MBD5: variants seen among roughly 807,000 people sequenced by gnomAD.
The protein encoded by MBD5 is methyl-CpG-binding domain protein 5.
Under a neutral mutation model 117.3 loss-of-function variants are expected in MBD5, and 13 were observed. That is an observed-to-expected ratio of 0.11 (90% confidence interval 0.07 to 0.18). MBD5 has a LOEUF of 0.18. MBD5 is among the 10% of genes least tolerant of loss of function. MBD5 has a pLI of 1.00. For synonymous variants in MBD5, 727 were observed against 766.4 expected (o/e 0.95, Z 0.85); for missense variants, 1,879 against 2,093.8 (o/e 0.90, Z 2.00).
intron 2 of MBD5, among the ~76,000 whole-genome samples, chr2:148,225,832 G>A (rs1202200260): frequency 2.0e-5 from 3 of 152,152 alleles, no homozygotes; most frequent in Non-Finnish European, 2.9e-5. Flanking sequence ...AGATATATTG[G>A]AACTCCATTG....
chr2:148,397,695 A>C (rs1294842379), intron 4 of MBD5, among the ~76,000 whole-genome samples: 1 of 152,088 alleles, frequency 6.6e-6, no homozygotes, highest in Non-Finnish European at 1.5e-5. Context: ...GTACATGTGC[A>C]CAACGTGCAG....
chr2:148,484,194 C>A, intron 9 of MBD5, 59 bp downstream of exon 9: 1 of 1,349,892 alleles, frequency 7.4e-7, no homozygotes, highest in South Asian at 1.6e-5. Flanking sequence ...ATTCTATTTT[C>A]TCCTTTTTAA....
Position 148,458,129 on chromosome 2 carries a change from T to C in MBD5, c.-556-74T>C, listed in dbSNP as rs548845410. On this transcript the variant is annotated intron_variant, in intron 4 of 13. Coordinates refer to ENST00000642680, the MANE Select transcript of MBD5 (RefSeq NM_001378120.1). ...TGATTGGGTACACTTCGTAGTTTATTCTATTTTAAAACTGTAAAGCTTCTC... is the reference window on the plus strand; with the variant it reads ...TGATTGGGTACACTTCGTAGTTTATCCTATTTTAAAACTGTAAAGCTTCTC... 1.3e-5 allele frequency: 5 copies of C among 395,924 alleles called. No individual in the cohort carries two copies. The South Asian group carries it at 6.8e-4, about 54-fold the overall frequency. The allele number at this position is 395,924 out of a possible 1,614,324, so 24.5% of individuals were successfully genotyped here.
chr2:148,182,047 A>G (rs1003800880), intron 2 of MBD5, among the ~76,000 whole-genome samples: 2 of 151,478 alleles, frequency 1.3e-5, no homozygotes, highest in African/African-American at 2.4e-5. Context: ...CTTCTTTCCT[A>G]TATCTTTTTT....
At chr2:148,237,285 C>CAA (rs199778511) in intron 3 of MBD5, among the ~76,000 whole-genome samples, 2,003 of 152,302 alleles carry the variant, frequency 0.013, 19 homozygotes, top group Non-Finnish European at 0.02. Flanking sequence ...CTGTTGGGCG[C>CAA]AAGATGCCTG....
chr2:148,234,705 A>G (rs1700056288), intron 3 of MBD5, among the ~76,000 whole-genome samples: 1 of 152,156 alleles, frequency 6.6e-6, no homozygotes, highest in Non-Finnish European at 1.5e-5. Flanking sequence ...AGGATCTTCA[A>G]AGAAATAGAT....
At chr2:148,360,820 G>GA (rs1319321774) in intron 4 of MBD5, among the ~76,000 whole-genome samples, 1 of 151,942 alleles carries the variant, frequency 6.6e-6, no homozygotes, top group Non-Finnish European at 1.5e-5. Flanking sequence ...TAAAATTGTT[G>GA]AAAAATATTC....
At chr2:148,251,533 G>C (rs76889901) in intron 3 of MBD5, among the ~76,000 whole-genome samples, 1 of 152,086 alleles carries the variant, frequency 6.6e-6, no homozygotes, top group Non-Finnish European at 1.5e-5. Flanking sequence ...TCAGTAACTT[G>C]TACCTCATAA....
chr2:148,406,223 G>A (rs1705073477), intron 4 of MBD5, among the ~76,000 whole-genome samples: 2 of 152,074 alleles, frequency 1.3e-5, no homozygotes. Context: ...ATAATTTCTG[G>A]CCATGTACTT....
chr2:148,141,444 A>C (rs1477098568), intron 1 of MBD5, among the ~76,000 whole-genome samples: 3 of 152,224 alleles, frequency 2.0e-5, no homozygotes, highest in Non-Finnish European at 4.4e-5. Context: ...CCAACAATTC[A>C]TTCCAACAGT....
At chr2:148,400,240 T>C (rs898003393) in intron 4 of MBD5, among the ~76,000 whole-genome samples, 1 of 152,194 alleles carries the variant, frequency 6.6e-6, no homozygotes, top group Admixed American at 6.5e-5. Flanking sequence ...AATTTTTTTT[T>C]CAGTAATATG....
intron 8 of MBD5, among the ~76,000 whole-genome samples, chr2:148,474,524 T>G (rs1680898690): frequency 6.6e-6 from 1 of 152,122 alleles, no homozygotes; most frequent in Non-Finnish European, 1.5e-5. Flanking sequence ...GTTCTCTTAT[T>G]TTTTCCTAAA....
chr2:148,449,503 C>G (rs1706661995), intron 4 of MBD5, among the ~76,000 whole-genome samples: 1 of 151,892 alleles, frequency 6.6e-6, no homozygotes, highest in African/African-American at 2.4e-5. Flanking sequence ...TGAGGGAAGA[C>G]TTCTCTGAGA....
At chr2:148,066,391 A>T (rs1217222837) in intron 1 of MBD5, among the ~76,000 whole-genome samples, 1 of 152,076 alleles carries the variant, frequency 6.6e-6, no homozygotes, top group African/African-American at 2.4e-5. Context: ...CTCCTGATGA[A>T]GCCTCATTTT....
intron 10 of MBD5, among the ~76,000 whole-genome samples, chr2:148,488,920 A>T (rs904111121): frequency 1.6e-4 from 25 of 151,546 alleles, no homozygotes; most frequent in Non-Finnish European, 2.5e-4. Flanking sequence ...ATGTTTTTTT[A>T]AAATTTTATA....
At chr2:148,347,887 A>G (rs1387352984) in intron 4 of MBD5, among the ~76,000 whole-genome samples, 1 of 151,828 alleles carries the variant, frequency 6.6e-6, no homozygotes, top group Admixed American at 6.6e-5. Flanking sequence ...GCTCTTGCCT[A>G]CCCTACCCCC....
chr2:148,119,754 G>A (rs1337426651), intron 1 of MBD5, among the ~76,000 whole-genome samples: 1 of 152,042 alleles, frequency 6.6e-6, no homozygotes, highest in Admixed American at 6.6e-5. Flanking sequence ...ATTTATTGAA[G>A]GTGATTCTTC....
At chr2:148,102,316 A>G (rs1454307550) in intron 1 of MBD5, among the ~76,000 whole-genome samples, 1 of 152,248 alleles carries the variant, frequency 6.6e-6, no homozygotes, top group East Asian at 1.9e-4. Context: ...AAAACAAAAA[A>G]CCTAGTTTAA....
intron 3 of MBD5, among the ~76,000 whole-genome samples, chr2:148,307,329 T>C (rs1387037799): frequency 1.3e-5 from 2 of 152,084 alleles, no homozygotes; most frequent in Non-Finnish European, 1.5e-5. Flanking sequence ...ATGAGCTCTA[T>C]TTTTTTAAAG....
Sources: allele counts gnomAD v4.1 joint callset (sites outside exome capture counted in the v4.1 genomes callset), GRCh38; gene constraint gnomAD v4.1.1; transcripts MANE v1.5; gene names NCBI Gene and HGNC (gene_info 2026-07-23, HGNC 2026-07-21).